The following TLK1 variants were observed in gnomAD, a reference collection of about 807,000 sequenced individuals.
The protein encoded by TLK1 is serine/threonine-protein kinase tousled-like 1.
A neutral mutation model predicts 105.3 loss-of-function variants in TLK1; 24 were observed. That is an observed-to-expected ratio of 0.23 (90% CI 0.17 to 0.32). The LOEUF (loss-of-function observed/expected upper bound fraction) is 0.32, where lower values mean the gene tolerates loss of function less well. Among genes scored for constraint, TLK1 ranks in the 10% least tolerant of loss-of-function variants. The pLI is 1.00. For missense variants in TLK1, 558 were observed against 910.5 expected (o/e 0.61, Z 4.98); for synonymous variants, 321 against 310.4 (o/e 1.03, Z -0.36).
intron 1 of TLK1, among the ~76,000 whole-genome samples, chr2:171,121,444 C>T (rs562142993): frequency 3.9e-5 from 6 of 152,156 alleles, no homozygotes; most frequent in African/African-American, 1.4e-4. Flanking sequence ...GGTGGGAGGA[C>T]TGCTTGAGCC....
chr2:171,194,666 A>C (rs1331058532), intron 1 of TLK1, among the ~76,000 whole-genome samples: 1 of 151,342 alleles, frequency 6.6e-6, no homozygotes, highest in Non-Finnish European at 1.5e-5. Context: ...AAATACAAAA[A>C]ATTAGCCGGG....
intron 11 of TLK1, among the ~76,000 whole-genome samples, chr2:171,040,499 T>C (rs1686611051): frequency 6.6e-6 from 1 of 151,694 alleles, no homozygotes; most frequent in African/African-American, 2.4e-5. Context: ...CTCTAAAAAA[T>C]AAGTTCATTA....
At position 171,057,936 on chromosome 2, in the gene TLK1, A is replaced by C. The variant is rs542060520; in HGVS notation, c.453+215T>G. ...TTTTGCCTATCTTACAGGTTATTATAAACAACTATGTGAGAAAGTATTTAG... is the reference window on the plus strand; with the variant it reads ...TTTTGCCTATCTTACAGGTTATTATCAACAACTATGTGAGAAAGTATTTAG... On this transcript the variant is annotated intron_variant, in intron 5 of 20. Transcript: ENST00000431350. Among the ~76,000 whole-genome samples, 4 of 152,256 alleles carry C rather than the reference A, an allele frequency of 2.6e-5. No homozygotes were observed. The East Asian group carries it at 7.7e-4, about 29-fold the overall frequency.
chr2:171,196,534 T>A (rs1693279407), intron 1 of TLK1, among the ~76,000 whole-genome samples: 1 of 152,214 alleles, frequency 6.6e-6, no homozygotes, highest in Non-Finnish European at 1.5e-5. Flanking sequence ...TCTCAAAAAA[T>A]TGACATGGTT....
At chr2:171,161,431 C>A (rs1415514947), upstream of TLK1, among the ~76,000 whole-genome samples, 1 of 152,154 alleles carries the variant, frequency 6.6e-6, no homozygotes, top group Non-Finnish European at 1.5e-5. Context: ...ATGTGCGCCT[C>A]CCCGTCTGCA....
intron 1 of TLK1, among the ~76,000 whole-genome samples, chr2:171,167,576 T>A (rs1400326266): frequency 6.6e-6 from 1 of 152,196 alleles, no homozygotes; most frequent in Non-Finnish European, 1.5e-5. Context: ...AAGAGATAGT[T>A]CCAAGCTTTT....
chr2:171,188,696 ACT>A (rs1263998448), intron 1 of TLK1, among the ~76,000 whole-genome samples: 1 of 141,280 alleles, frequency 7.1e-6, no homozygotes, highest in African/African-American at 2.7e-5. Context: ...ACAGTGCAAG[ACT>A]CTGTCTCAAA....
At chr2:171,145,068 G>C (rs1262796401) in intron 1 of TLK1, among the ~76,000 whole-genome samples, 1 of 152,194 alleles carries the variant, frequency 6.6e-6, no homozygotes, top group Non-Finnish European at 1.5e-5. Flanking sequence ...CAGCACTTTA[G>C]GAAGCCAAGA....
At chr2:171,069,877 T>G (rs1688173696) in intron 3 of TLK1, among the ~76,000 whole-genome samples, 1 of 152,196 alleles carries the variant, frequency 6.6e-6, no homozygotes, top group African/African-American at 2.4e-5. Flanking sequence ...AAAAGCTCTT[T>G]AGGGTCCTTC....
intron 2 of TLK1, among the ~76,000 whole-genome samples, chr2:171,110,698 G>C (rs1006397301): frequency 1.3e-5 from 2 of 152,146 alleles, no homozygotes; most frequent in African/African-American, 4.8e-5. Context: ...CAGATCAGTG[G>C]TTGCCAGAGG....
chr2:171,071,835 A>G (rs1260464013), intron 3 of TLK1, among the ~76,000 whole-genome samples: 1 of 152,154 alleles, frequency 6.6e-6, no homozygotes, highest in Non-Finnish European at 1.5e-5. Flanking sequence ...TATTGAACAG[A>G]CTGTCCTTTC....
intron 11 of TLK1, among the ~76,000 whole-genome samples, chr2:171,029,287 T>C (rs1000503744): frequency 1.4e-4 from 21 of 152,114 alleles, no homozygotes; most frequent in Admixed American, 4.6e-4. Context: ...TGCTTCAGTG[T>C]GTTGGGAGTA....
At chr2:171,047,815 TTTTA>T (rs1241023756) in intron 10 of TLK1, among the ~76,000 whole-genome samples, 4 of 152,240 alleles carry the variant, frequency 2.6e-5, no homozygotes, top group African/African-American at 7.2e-5. Context: ...ATATTATTAC[TTTTA>T]TTTATTTCTC....
intron 1 of TLK1, among the ~76,000 whole-genome samples, chr2:171,183,522 T>C (rs536075365): frequency 2.6e-5 from 4 of 152,292 alleles, no homozygotes; most frequent in East Asian, 1.9e-4. Flanking sequence ...TTATTCTTCA[T>C]TGATTTTTTG....
At chr2:171,005,290 C>T (rs1684592728) in intron 18 of TLK1, among the ~76,000 whole-genome samples, 1 of 152,186 alleles carries the variant, frequency 6.6e-6, no homozygotes, top group Non-Finnish European at 1.5e-5. Context: ...CGTAGGTATA[C>T]TGAGGGGATG....
intron 10 of TLK1, among the ~76,000 whole-genome samples, chr2:171,048,414 C>T (rs1687063111): frequency 6.6e-6 from 1 of 152,192 alleles, no homozygotes; most frequent in South Asian, 2.1e-4. Context: ...AAATTATCTT[C>T]TCCTGCTTTC....
chr2:171,132,403 A>T (rs982166184), intron 1 of TLK1, among the ~76,000 whole-genome samples: 1 of 152,160 alleles, frequency 6.6e-6, no homozygotes, highest in African/African-American at 2.4e-5. Flanking sequence ...CAGCTAAACC[A>T]TATCAACAGT....
intron 2 of TLK1, among the ~76,000 whole-genome samples, chr2:171,116,363 A>C (rs907467942): frequency 1.3e-5 from 2 of 152,228 alleles, no homozygotes; most frequent in African/African-American, 4.8e-5. Flanking sequence ...AAAGAATTAA[A>C]ATAATTTCTA....
At chr2:171,156,753 A>C (rs1692250641) in intron 1 of TLK1, among the ~76,000 whole-genome samples, 1 of 152,230 alleles carries the variant, frequency 6.6e-6, no homozygotes. Flanking sequence ...AATCATCTGA[A>C]GTCAATTACT....
Sources: allele counts gnomAD v4.1 joint callset (sites outside exome capture counted in the v4.1 genomes callset), GRCh38; gene constraint gnomAD v4.1.1; transcripts MANE v1.5; gene names NCBI Gene and HGNC (gene_info 2026-07-23, HGNC 2026-07-21).